LDHB: variants seen among roughly 807,000 people sequenced by gnomAD.
LDHB encodes the protein L-lactate dehydrogenase B chain.
Under a neutral mutation model 33.4 loss-of-function variants are expected in LDHB, and 18 were observed. That is an observed-to-expected ratio of 0.54 (90% confidence interval 0.37 to 0.80). LDHB has a LOEUF of 0.80. Among genes scored for constraint, LDHB ranks in the 30% least tolerant of loss-of-function variants. LDHB has a pLI of 0.00. For synonymous variants in LDHB, 121 were observed against 140.6 expected, an observed-to-expected ratio of 0.86 and a Z score of 0.98; for missense variants, 345 against 407.9, an observed-to-expected ratio of 0.85 and a Z score of 1.33.
At chr12:21,652,464 C>CAA (rs1258952551) in intron 2 of LDHB, among the ~76,000 whole-genome samples, 5 of 152,176 alleles carry the variant, frequency 3.3e-5, no homozygotes, top group African/African-American at 9.6e-5. Flanking sequence ...GGCACATACT[C>CAA]AATGTCTTTT....
In LDHB at chr12:21,647,372, T is replaced by C. The variant is rs565348622; in HGVS notation, c.130-356A>G. On this transcript the variant is annotated intron_variant, in intron 2 of 7. Transcript: ENST00000350669. ...AGGTCACCCCAATTTGGAGGCTTTC[T>C]GAGATGGTAGATTTGGCTTAAATCA... Among the ~76,000 whole-genome samples, 5 of 152,278 alleles carry C rather than the reference T, an allele frequency of 3.3e-5. No individual in the cohort carries two copies. In the East Asian group the frequency reaches 9.7e-4, roughly 29 times the overall value.
At chr12:21,638,216 T>C (rs1938270031) in intron 6 of LDHB, 137 bp downstream of exon 6, 2 of 651,986 alleles carry the variant, frequency 3.1e-6, no homozygotes, top group Non-Finnish European at 2.8e-6. Flanking sequence ...GTAAAAGTCT[T>C]ATCAGTTTCA....
chr12:21,641,578 A>G (rs929638280), intron 5 of LDHB, among the ~76,000 whole-genome samples: 24 of 152,180 alleles, frequency 1.6e-4, no homozygotes, highest in Non-Finnish European at 5.9e-5. Context: ...GAGACAGTTG[A>G]TAACTTGTGA....
chr12:21,650,147 C>T (rs5002941), intron 2 of LDHB, among the ~76,000 whole-genome samples: 130,868 of 145,464 alleles, frequency 0.9, 59,011 homozygotes, highest in East Asian at 0.98. Context: ...CACACACACA[C>T]ACACGTCTCT....
intron 5 of LDHB, 113 bp from the exon 6 acceptor site, chr12:21,638,583 G>T (rs1938281354): frequency 2.7e-6 from 2 of 742,718 alleles, no homozygotes; most frequent in Admixed American, 4.1e-5. Context: ...ATACCAACTG[G>T]AACTGCTCCA....
At chr12:21,639,627 T>C (rs184429821) in intron 5 of LDHB, among the ~76,000 whole-genome samples, 10 of 152,186 alleles carry the variant, frequency 6.6e-5, no homozygotes, top group Admixed American at 5.9e-4. Context: ...TTTTACATAG[T>C]ACATAGGTGG....
chr12:21,656,016 T>C (rs1361435001), intron 1 of LDHB, among the ~76,000 whole-genome samples: 1 of 152,246 alleles, frequency 6.6e-6, no homozygotes, highest in Non-Finnish European at 1.5e-5. Flanking sequence ...ACTTGTTTTT[T>C]ACTTTTTATG....
At chr12:21,654,268 AT>A (rs952879942) in intron 2 of LDHB, 11 of 415,160 alleles carry the variant, frequency 2.6e-5, no homozygotes, top group Non-Finnish European at 4.0e-5. Context: ...AACATGGAGA[AT>A]TTTAAATGTT....
intron 1 of LDHB, chr12:21,657,380 G>C (rs932769250): frequency 4.6e-5 from 7 of 152,456 alleles, no homozygotes; most frequent in African/African-American, 1.7e-4. Context: ...TAGGCCACCT[G>C]GTTCCGTCCC....
intron 2 of LDHB, chr12:21,654,220 A>G (rs1291796706): frequency 1.2e-5 from 4 of 336,570 alleles, no homozygotes; most frequent in Non-Finnish European, 2.3e-5. Flanking sequence ...ATGATCTTGG[A>G]CTGAGGTGAA....
At position 21,639,007 on chromosome 12, in the gene LDHB, T is replaced by C. The variant is rs61925938; in HGVS notation, c.596-537A>G. Among the ~76,000 whole-genome samples the C allele has an allele frequency of 9.9e-5, 15 of 152,044 alleles. 1 individual carries two copies. In the Middle Eastern group the frequency reaches 0.014, roughly 138 times the overall value. On this transcript the variant is annotated intron_variant, in intron 5 of 7. Coordinates refer to ENST00000350669, the MANE Select transcript of LDHB (RefSeq NM_002300.8). ...ACAAAATGGGCCTTTGAATTGGACC[T>C]TAAAACCTAAGTTATATGTTTCTTG... is the stretch of plus-strand genomic sequence containing the variant.
At chr12:21,649,038 AAC>A (rs1417325978) in intron 2 of LDHB, among the ~76,000 whole-genome samples, 1 of 152,252 alleles carries the variant, frequency 6.6e-6, no homozygotes, top group Non-Finnish European at 1.5e-5. Context: ...CTCTGACAAG[AAC>A]ACACAAAATT....
intron 5 of LDHB, 140 bp downstream of exon 5, chr12:21,641,812 T>C (rs1938376302): frequency 1.5e-6 from 1 of 680,462 alleles, no homozygotes; most frequent in Admixed American, 2.8e-5. Context: ...CAAAATGGAA[T>C]AGAATAGAAA....
chr12:21,644,424 C>CAAAAAAAAAAAAA (rs72491634), intron 3 of LDHB, among the ~76,000 whole-genome samples: 10 of 15,258 alleles, frequency 6.6e-4, no homozygotes, highest in African/African-American at 1.0e-3. Context: ...AGGTAGACAT[C>CAAAAAAAAAAAAA]AAAAAAAAAA....
chr12:21,657,137 A>AC (rs1481342415), intron 1 of LDHB: 1 of 152,156 alleles, frequency 6.6e-6, no homozygotes, highest in Admixed American at 6.6e-5. Flanking sequence ...TACTCGGAGC[A>AC]CCCAAGGCTG....
chr12:21,640,573 A>G (rs1437376169), intron 5 of LDHB, among the ~76,000 whole-genome samples: 1 of 152,054 alleles, frequency 6.6e-6, no homozygotes, highest in Non-Finnish European at 1.5e-5. Flanking sequence ...GTTATTTATA[A>G]GCTTTTGTTA....
intron 6 of LDHB, 31 bp downstream of exon 6, chr12:21,638,322 A>G (rs748895080): frequency 8.2e-6 from 9 of 1,102,748 alleles, no homozygotes; most frequent in Admixed American, 1.7e-5. Context: ...GTTGAAATTA[A>G]TCATCTAAAA....
intron 1 of LDHB, among the ~76,000 whole-genome samples, chr12:21,656,746 T>C (rs1233529924): frequency 1.3e-5 from 2 of 152,170 alleles, no homozygotes; most frequent in Admixed American, 1.3e-4. Flanking sequence ...CTGCATGATA[T>C]ACAGGCCTGT....
intron 3 of LDHB, among the ~76,000 whole-genome samples, chr12:21,645,864 T>C (rs1938512492): frequency 1.3e-5 from 2 of 152,188 alleles, no homozygotes; most frequent in Non-Finnish European, 2.9e-5. Flanking sequence ...CCGTGTCTCT[T>C]TTCTCCAGTC....
Sources: allele counts gnomAD v4.1 joint callset (sites outside exome capture counted in the v4.1 genomes callset), GRCh38; gene constraint gnomAD v4.1.1; transcripts MANE v1.5; gene names NCBI Gene and HGNC (gene_info 2026-07-23, HGNC 2026-07-21).